TRPM1: variants seen among roughly 807,000 people sequenced by gnomAD.
TRPM1 encodes TRPM1-203 APA Isoform, Intron 10.
TRPM1 carries 113 observed loss-of-function variants against 149.4 expected under a neutral mutation model. That is an observed-to-expected ratio of 0.76 (90% confidence interval 0.65 to 0.88). TRPM1 has a LOEUF of 0.88. TRPM1 is among the 40% of genes least tolerant of loss of function. The probability of loss-of-function intolerance (pLI) is 0.00; values close to 1 mark genes in which losing one functional copy is unlikely to be tolerated. For synonymous variants in TRPM1, 741 were observed against 759.5 expected (o/e 0.98, Z 0.40); for missense variants, 1,976 against 2,038.7 (o/e 0.97, Z 0.59).
At chr15:31,106,198 G>A (rs2035604141), upstream of TRPM1, among the ~76,000 whole-genome samples, 1 of 150,662 alleles carries the variant, frequency 6.6e-6, no homozygotes, top group African/African-American at 2.4e-5. Context: ...GAGTGCAGTG[G>A]TGCAATCTCA....
chr15:31,006,336 CCTGA>C (rs1257390736), intron 27 of TRPM1, among the ~76,000 whole-genome samples: 3 of 152,176 alleles, frequency 2.0e-5, no homozygotes, highest in Non-Finnish European at 4.4e-5. Context: ...CGCCACCATG[CCTGA>C]CTAATTTTTG....
upstream of TRPM1, among the ~76,000 whole-genome samples, chr15:31,106,054 C>A (rs901540720): frequency 1.3e-5 from 2 of 152,152 alleles, no homozygotes; most frequent in Non-Finnish European, 2.9e-5. Context: ...GTCCAATCTG[C>A]AAACAAGATT....
intron 1 of TRPM1, 139 bp downstream of exon 1, chr15:31,101,518 A>C: frequency 2.8e-6 from 1 of 361,214 alleles, no homozygotes; most frequent in Non-Finnish European, 3.9e-6. Flanking sequence ...GCCTACCTGC[A>C]CCTGAGGTTA....
rs374924059 is a variant in TRPM1, at chr15:31,085,409, G to A, written c.-83-3971C>T. ...ATAGGGTATGTCTCTAATGCTAACC[G>A]TTGTAATTAAGAGCAATAAAAAGAT... On this transcript the variant is annotated intron_variant, in intron 1 of 27. Coordinates refer to ENST00000256552, the MANE Select transcript of TRPM1 (RefSeq NM_001252024.2). Among the ~76,000 whole-genome samples, 20 of 152,288 alleles carry A rather than the reference G, an allele frequency of 1.3e-4. 2 individuals carry two copies. Among genetic ancestry groups the A allele is most frequent in the Admixed American group, 1.0e-3 (16 of 15,300 alleles).
chr15:31,074,140 G>A (rs1370548213), intron 3 of TRPM1, among the ~76,000 whole-genome samples: 1 of 151,994 alleles, frequency 6.6e-6, no homozygotes, highest in Non-Finnish European at 1.5e-5. Flanking sequence ...GTTCATAATA[G>A]ATATTGATCT....
rs1555416814 is a variant in TRPM1 at position 31,016,988 on chromosome 15, C to CAA, written c.3629+9149_3629+9150dup. On this transcript the variant is annotated intron_variant, in intron 27 of 27. Transcript: ENST00000256552. The stretch of plus-strand genomic sequence containing the variant: ...ACACACACACACACACACACACACA[C>CAA]AAAAAAAAAACTTGTTTTTTAAATT... Among the ~76,000 whole-genome samples, 419 of 102,610 alleles carry CAA rather than the reference C, an allele frequency of 4.1e-3. 2 individuals are homozygous for CAA. The highest frequency in any genetic ancestry group is 8.2e-3 in the African/African-American group (151 of 18,506). 67.3% of individuals were successfully genotyped at this position (102,610 alleles called of 152,430 possible).
chr15:31,111,962 T>C (rs939209951), intron 1 of TRPM1, among the ~76,000 whole-genome samples: 1 of 152,182 alleles, frequency 6.6e-6, no homozygotes. Flanking sequence ...GAATAGAGTA[T>C]TGTTACCCGA....
In TRPM1 at chr15:31,076,951, T is replaced by C; in HGVS notation, c.37A>G (p.Lys13Glu). 1 of 1,612,834 alleles carries C rather than the reference T, an allele frequency of 6.2e-7. No homozygotes were observed. The highest frequency in any genetic ancestry group is 8.5e-7 in the Non-Finnish European group (1 of 1,178,814). Residue 13 changes from lysine (K) to glutamate (E), a missense_variant, in exon 3 of 28, where the codon AAA (lysine) becomes GAA (glutamate). Physicochemically the swap from Lys to Glu is moderately conservative, Grantham distance 56. Coordinates refer to ENST00000256552, the MANE Select transcript of TRPM1 (RefSeq NM_001252024.2). The part of the protein sequence containing the change: ...QKSWIEKTFC[K>E]RECIFVIPSM... ...GGAATTACAAAGATACATTCCCGTT[T>C]GCAAAAGGTTTTCTCTATCCAAGAT...
At chr15:31,077,043 C>G in intron 2 of TRPM1, 59 bp from the exon 3 acceptor site, 2 of 1,141,366 alleles carry the variant, frequency 1.8e-6, no homozygotes, top group Non-Finnish European at 2.6e-6. Flanking sequence ...TCATCAGAGT[C>G]CATTCTTATA....
intron 1 of TRPM1, among the ~76,000 whole-genome samples, chr15:31,160,479 A>G (rs2036430563): frequency 6.6e-6 from 1 of 152,160 alleles, no homozygotes; most frequent in Non-Finnish European, 1.5e-5. Context: ...AGCCTGAGTC[A>G]TCCCTGGGTC....
At chr15:31,090,391 C>A (rs2035202879) in intron 1 of TRPM1, among the ~76,000 whole-genome samples, 1 of 152,114 alleles carries the variant, frequency 6.6e-6, no homozygotes, top group Admixed American at 6.5e-5. Context: ...GTACTCCTAG[C>A]ACTTTGGGAA....
At chr15:31,111,213 G>C (rs2035683636) in intron 1 of TRPM1, among the ~76,000 whole-genome samples, 1 of 152,162 alleles carries the variant, frequency 6.6e-6, no homozygotes, top group Non-Finnish European at 1.5e-5. Flanking sequence ...CATTATCTGA[G>C]CTGGCTTTCC....
intron 25 of TRPM1, 103 bp from the exon 26 acceptor site, chr15:31,027,220 T>C: frequency 8.9e-7 from 1 of 1,120,174 alleles, no homozygotes; most frequent in Non-Finnish European, 1.3e-6. Context: ...CTCAATGAGA[T>C]GGCCTTTTAG....
In TRPM1 at chr15:31,155,200, T is replaced by C. The variant is rs575326609; in HGVS notation, c.54+5706A>G. 6.6e-5 allele frequency among the ~76,000 whole-genome samples: 10 copies of C among 152,212 alleles called. No individual in the cohort carries two copies. The South Asian group carries it at 2.1e-3, about 32-fold the overall frequency. ...CACTCTCTGGGAAATGGAGGTGCTG[T>C]AGCCTCAAAGGGAGCCAAGCGTGGT... is the stretch of plus-strand genomic sequence containing the variant. On this transcript the variant is annotated intron_variant, in intron 1 of 26. Coordinates refer to the TRPM1 transcript ENST00000542188.
intron 1 of TRPM1, among the ~76,000 whole-genome samples, chr15:31,143,561 T>A (rs914394637): frequency 2.6e-5 from 4 of 152,042 alleles, no homozygotes; most frequent in Admixed American, 6.5e-5. Flanking sequence ...ACTGCAGACG[T>A]GTCACCAAAC....
chr15:31,154,130 A>G (rs1469864495), intron 1 of TRPM1, among the ~76,000 whole-genome samples: 1 of 152,276 alleles, frequency 6.6e-6, no homozygotes, highest in African/African-American at 2.4e-5. Flanking sequence ...TTTAACAATT[A>G]AAGAAAACTT....
At chr15:31,092,084 T>C (rs2035254636) in intron 1 of TRPM1, among the ~76,000 whole-genome samples, 1 of 135,832 alleles carries the variant, frequency 7.4e-6, no homozygotes, top group Non-Finnish European at 1.5e-5. Context: ...AAAGTTTTTC[T>C]CTCTGGACTG....
In TRPM1 at chr15:31,030,970, A is replaced by G. The variant is rs1182903492; in HGVS notation, c.3127+13T>C. The G allele has an allele frequency of 1.2e-6, 2 of 1,614,138 alleles. No individual in the cohort carries two copies. The highest frequency in any genetic ancestry group is 4.5e-5 in the East Asian group (2 of 44,884). Reference sequence around the variant, plus strand: ...AGCAGGGAAGAGAATCTTACTATGAATTCTACTCTTACGGTCTATCTGGTC... The same window carrying G: ...AGCAGGGAAGAGAATCTTACTATGAGTTCTACTCTTACGGTCTATCTGGTC... On this transcript the variant is annotated intron_variant, in intron 23 of 27. Coordinates refer to ENST00000256552, the MANE Select transcript of TRPM1 (RefSeq NM_001252024.2).
At chr15:31,136,710 T>G (rs1453775347) in intron 1 of TRPM1, among the ~76,000 whole-genome samples, 1 of 151,858 alleles carries the variant, frequency 6.6e-6, no homozygotes. Context: ...CCAATCTGCT[T>G]TTTGCTGTTT....
Sources: gnomAD v4.1 joint callset for allele counts (sites outside exome capture counted in the v4.1 genomes callset) on GRCh38, gnomAD v4.1.1 for gene constraint, MANE v1.5 for transcripts, NCBI Gene and HGNC (gene_info 2026-07-23, HGNC 2026-07-21) for gene names.